Variants in QSOX1 observed in about 807,000 individuals in gnomAD.
QSOX1 encodes the protein quiescin sulfhydryl oxidase 1.
A neutral mutation model predicts 76.1 loss-of-function variants in QSOX1; 40 were observed. The observed-to-expected ratio is 0.53, with a 90% confidence interval of 0.41 to 0.68. QSOX1 has a LOEUF of 0.68. Ranked by LOEUF, QSOX1 falls within the 30% of genes least tolerant of loss-of-function variation. The pLI, the probability that QSOX1 is intolerant of heterozygous loss-of-function variation, is 0.00. For synonymous variants in QSOX1, 392 were observed against 413.1 expected (o/e 0.95, Z 0.62); for missense variants, 931 against 974.3 (o/e 0.96, Z 0.59).
At position 180,197,267 on chromosome 1, in the gene QSOX1, G is replaced by A; in HGVS notation, c.*230G>A. The A allele has an allele frequency of 6.2e-7, 1 of 1,612,322 alleles. No homozygotes were observed. Among genetic ancestry groups the A allele is most frequent in the Non-Finnish European group, 8.5e-7 (1 of 1,179,578 alleles). On this transcript the variant is annotated 3_prime_UTR_variant, in exon 12 of 12. Transcript: ENST00000367602. Reference sequence around the variant, plus strand: ...GTTCCCCTGCTGTGCAGGGAGGGCAGCCCCGGGCAGTGGGCATAGGGCAGC... The same window carrying A: ...GTTCCCCTGCTGTGCAGGGAGGGCAACCCCGGGCAGTGGGCATAGGGCAGC...
intron 4 of QSOX1, among the ~76,000 whole-genome samples, chr1:180,176,697 C>A (rs548611578): frequency 4.9e-4 from 75 of 152,318 alleles, no homozygotes; most frequent in African/African-American, 1.7e-3. Context: ...CTAGGCCCCC[C>A]ACTTCTGGAT....
Position 180,190,564 on chromosome 1 carries a change from C to A in QSOX1, c.1272C>A (p.Asp424Glu). ...TGCAGGCAGCTCGGCAAAATGTAGA[C>A]CACTCACAGGAAGCAGGTACGTCCA... The part of the protein sequence containing the change: ...LTVQAARQNV[D>E]HSQEAAKAKE... The change falls in exon 10 of 12, where the codon GAC becomes GAA. Residue 424 changes from aspartate (D) to glutamate (E), a missense_variant. Transcript: ENST00000367602. 1 of 1,613,934 alleles carries A rather than the reference C, an allele frequency of 6.2e-7. No homozygotes were observed. Among genetic ancestry groups the A allele is most frequent in the South Asian group, 1.1e-5 (1 of 91,064 alleles).
intron 1 of QSOX1, among the ~76,000 whole-genome samples, chr1:180,164,432 C>A (rs183124173): frequency 6.6e-6 from 1 of 152,294 alleles, no homozygotes; most frequent in Admixed American, 6.5e-5. Flanking sequence ...CACCCACCTC[C>A]CTCCTTCGAG....
chr1:180,164,001 T>G (rs554801750), intron 1 of QSOX1, among the ~76,000 whole-genome samples: 107 of 152,176 alleles, frequency 7.0e-4, no homozygotes, highest in Non-Finnish European at 6.5e-4. Context: ...GATCACGGGT[T>G]CATGCCAACC....
intron 4 of QSOX1, among the ~76,000 whole-genome samples, chr1:180,177,993 T>G (rs112480511): frequency 2.2e-4 from 33 of 152,298 alleles, no homozygotes; most frequent in African/African-American, 7.7e-4. Flanking sequence ...GGCTTTCTGA[T>G]TCTTTCATTG....
intron 2 of QSOX1, among the ~76,000 whole-genome samples, chr1:180,174,832 C>A (rs1662845117): frequency 6.6e-6 from 1 of 151,994 alleles, no homozygotes; most frequent in African/African-American, 2.4e-5. Flanking sequence ...CTAGAGCAAC[C>A]TCCCCCCAAC....
chr1:180,195,955 C>T (rs923802657), intron 11 of QSOX1, among the ~76,000 whole-genome samples: 18 of 152,168 alleles, frequency 1.2e-4, no homozygotes, highest in Non-Finnish European at 2.5e-4. Context: ...GTCCACATAG[C>T]AGGACAGTGG....
chr1:180,175,205 A>G (rs1026213653), intron 2 of QSOX1, 116 bp from the exon 3 acceptor site: 12 of 920,948 alleles, frequency 1.3e-5, no homozygotes, highest in Non-Finnish European at 1.8e-5. Flanking sequence ...CAACAACATT[A>G]AGTGATTTGC....
At chr1:180,185,518 C>T (rs1223511490) in intron 7 of QSOX1, among the ~76,000 whole-genome samples, 3 of 152,238 alleles carry the variant, frequency 2.0e-5, no homozygotes, top group East Asian at 3.9e-4. Context: ...GCTGTGAGCA[C>T]ATCAGCCCTG....
intron 1 of QSOX1, among the ~76,000 whole-genome samples, chr1:180,157,799 A>G (rs144829967): frequency 6.6e-6 from 1 of 152,348 alleles, no homozygotes; most frequent in East Asian, 1.9e-4. Flanking sequence ...TCAATCAGCA[A>G]ATATTTGTTG....
chr1:180,160,112 A>G (rs932159725), intron 1 of QSOX1, among the ~76,000 whole-genome samples: 6 of 152,128 alleles, frequency 3.9e-5, no homozygotes, highest in African/African-American at 1.4e-4. Context: ...CAGGGAAACT[A>G]CTGTAATGAC....
chr1:180,184,354 CA>C (rs1663117941), intron 7 of QSOX1, among the ~76,000 whole-genome samples: 1 of 152,192 alleles, frequency 6.6e-6, no homozygotes, highest in South Asian at 2.1e-4. Context: ...AATCTGCGTG[CA>C]AGGACACTCT....
intron 1 of QSOX1, 83 bp downstream of exon 1, chr1:180,155,255 G>C (rs1662349570): frequency 4.7e-6 from 6 of 1,276,606 alleles, no homozygotes; most frequent in Non-Finnish European, 6.1e-6. Flanking sequence ...CCTACTCCGG[G>C]AGCGCGTCCC....
rs1663517956 is a variant in QSOX1 at position 180,197,180 on chromosome 1, A to G, written c.*143A>G. On this transcript the variant is annotated 3_prime_UTR_variant, in exon 12 of 12. Transcript: ENST00000367602. ...TCAGGAAAACGAGTTGCTCCAGTGAAGCTTCTTGGGGTTGCTAGGACAGAG... is the reference window on the plus strand; with the variant it reads ...TCAGGAAAACGAGTTGCTCCAGTGAGGCTTCTTGGGGTTGCTAGGACAGAG... 18 of 1,530,584 alleles carry G rather than the reference A, an allele frequency of 1.2e-5. No individual in the cohort carries two copies. In the South Asian group the frequency reaches 2.2e-4, roughly 18 times the overall value. The allele number at this position is 1,530,584 out of a possible 1,614,324, so 94.8% of individuals were successfully genotyped here. A position where few individuals can be genotyped will look rare whatever the true frequency, so the allele number is the denominator to read the frequency against.
chr1:180,180,675 A>T (rs938400486), intron 5 of QSOX1, among the ~76,000 whole-genome samples: 3 of 152,012 alleles, frequency 2.0e-5, no homozygotes, highest in African/African-American at 7.2e-5. Context: ...CCACCACACC[A>T]GGCTAATTTT....
Position 180,176,197 on chromosome 1 carries a change from T to G in QSOX1, c.515+164T>G, listed in dbSNP as rs182442955. On this transcript the variant is annotated intron_variant, in intron 4 of 11. Coordinates refer to ENST00000367602, the MANE Select transcript of QSOX1 (RefSeq NM_002826.5). ...CTGCTGGAGCTACTCCAGAACCAAG[T>G]GGCAGCTGATGGCTGGTGGTGGGCT... Among the ~76,000 whole-genome samples the G allele has an allele frequency of 7.5e-3, 1,135 of 152,284 alleles. 9 individuals are homozygous for G. Among genetic ancestry groups the G allele is most frequent in the Non-Finnish European group, 0.014 (930 of 68,006 alleles).
In QSOX1 at chr1:180,196,034, G is replaced by A. The variant is rs964935138; in HGVS notation, c.1469-228G>A. 6.6e-6 allele frequency among the ~76,000 whole-genome samples: 1 copy of A among 152,180 alleles called. No individual in the cohort carries two copies. Among genetic ancestry groups the A allele is most frequent in the African/African-American group, 2.4e-5 (1 of 41,438 alleles). The stretch of plus-strand genomic sequence containing the variant: ...CTTCCCTGGAAAACCACGGAGGGCC[G>A]GGGCTGAGGGGTAGGTGGATCTGCC... On this transcript the variant is annotated intron_variant, in intron 11 of 11. Transcript: ENST00000367602. This position sits in a 1 kb window ranked among gnomAD's most constrained non-coding sequence, Gnocchi z 4.1.
intron 5 of QSOX1, 38 bp from the exon 6 acceptor site, chr1:180,182,136 C>T (rs769854798): frequency 2.1e-5 from 34 of 1,609,004 alleles, no homozygotes; most frequent in South Asian, 2.0e-4. Context: ...TCCCTCCACC[C>T]GGTGGCCTGG....
intron 9 of QSOX1, 119 bp from the exon 10 acceptor site, chr1:180,190,314 T>G: frequency 8.5e-7 from 1 of 1,170,350 alleles, no homozygotes; most frequent in Non-Finnish European, 1.2e-6. Flanking sequence ...AATGCCACCT[T>G]CGAGGTGATA....
Sources: gnomAD v4.1 joint callset for allele counts (sites outside exome capture counted in the v4.1 genomes callset) on GRCh38, gnomAD v4.1.1 for gene constraint, Gnocchi (gnomAD v3.1) non-coding constraint, MANE v1.5 for transcripts, NCBI Gene and HGNC (gene_info 2026-07-23, HGNC 2026-07-21) for gene names.